The following LDLRAD4 variants were observed in gnomAD, a reference collection of about 807,000 sequenced individuals.
The protein encoded by LDLRAD4 is low-density lipoprotein receptor class A domain-containing protein 4.
Under a neutral mutation model 17.0 loss-of-function variants are expected in LDLRAD4, and 5 were observed. That is an observed-to-expected ratio of 0.29 (90% CI 0.15 to 0.62). LDLRAD4 has a LOEUF of 0.62. Among genes scored for constraint, LDLRAD4 ranks in the 20% least tolerant of loss-of-function variants. LDLRAD4 has a pLI of 0.84. For synonymous variants in LDLRAD4, 168 were observed against 171.8 expected (o/e 0.98, Z 0.17); for missense variants, 340 against 424.7 (o/e 0.80, Z 1.75).
chr18:13,531,141 T>A (rs1568304720), intron 3 of LDLRAD4, among the ~76,000 whole-genome samples: 1 of 152,126 alleles, frequency 6.6e-6, no homozygotes, highest in Non-Finnish European at 1.5e-5. Flanking sequence ...ACCAGCCCAG[T>A]CCTGGAGGCA....
chr18:13,450,893 C>A (rs1418334115), intron 3 of LDLRAD4, among the ~76,000 whole-genome samples: 1 of 152,056 alleles, frequency 6.6e-6, no homozygotes, highest in Non-Finnish European at 1.5e-5. Flanking sequence ...GAGGGGAGGG[C>A]TGACTTTGAG....
chr18:13,270,644 C>T (rs1200593414), intron 1 of LDLRAD4, among the ~76,000 whole-genome samples: 4 of 152,122 alleles, frequency 2.6e-5, no homozygotes, highest in Non-Finnish European at 5.9e-5. Flanking sequence ...TTGGCTAGAG[C>T]GGAATGCAGT....
intron 2 of LDLRAD4, among the ~76,000 whole-genome samples, chr18:13,404,533 C>G (rs761823400): frequency 1.3e-5 from 2 of 152,138 alleles, no homozygotes; most frequent in African/African-American, 4.8e-5. Context: ...CATGGTGGCT[C>G]ATGCTTGTAA....
At chr18:13,359,685 TAGG>T (rs753207246) in intron 1 of LDLRAD4, among the ~76,000 whole-genome samples, 54 of 152,328 alleles carry the variant, frequency 3.5e-4, no homozygotes, top group Non-Finnish European at 6.9e-4. Flanking sequence ...GATGCCTAAT[TAGG>T]AGGCACTGCC....
chr18:13,568,921 C>G (rs965378944), intron 3 of LDLRAD4, among the ~76,000 whole-genome samples: 1 of 152,124 alleles, frequency 6.6e-6, no homozygotes, highest in Non-Finnish European at 1.5e-5. Flanking sequence ...ACCCTCATAC[C>G]CCACCTTCAC....
chr18:13,244,192 C>T (rs1408371609), intron 1 of LDLRAD4, among the ~76,000 whole-genome samples: 7 of 139,190 alleles, frequency 5.0e-5, no homozygotes, highest in Non-Finnish European at 9.3e-5. Flanking sequence ...ATCCACCATC[C>T]ATTCATCCAT....
At chr18:13,483,272 G>A (rs771855137) in intron 3 of LDLRAD4, among the ~76,000 whole-genome samples, 1 of 152,182 alleles carries the variant, frequency 6.6e-6, no homozygotes, top group Non-Finnish European at 1.5e-5. Flanking sequence ...ACACGGCTCT[G>A]TAGTTACTGA....
At chr18:13,325,237 G>A (rs2081455650) in intron 1 of LDLRAD4, among the ~76,000 whole-genome samples, 1 of 152,128 alleles carries the variant, frequency 6.6e-6, no homozygotes, top group African/African-American at 2.4e-5. Flanking sequence ...TAGTGAGTTC[G>A]GGGTCCCAGG....
intron 1 of LDLRAD4, among the ~76,000 whole-genome samples, chr18:13,331,048 G>C (rs534405118): frequency 6.6e-6 from 1 of 152,162 alleles, no homozygotes; most frequent in South Asian, 2.1e-4. Flanking sequence ...CCTAATAAAT[G>C]CTGTATAATA....
chr18:13,510,919 C>T (rs898857056), intron 3 of LDLRAD4, among the ~76,000 whole-genome samples: 10 of 152,186 alleles, frequency 6.6e-5, no homozygotes, highest in Admixed American at 5.2e-4. Flanking sequence ...CAAAACAAAA[C>T]AGGAAGATAG....
chr18:13,473,463 A>T (rs2092832345), intron 3 of LDLRAD4, among the ~76,000 whole-genome samples: 1 of 151,698 alleles, frequency 6.6e-6, no homozygotes, highest in African/African-American at 2.4e-5. Context: ...TAAGGCCAGG[A>T]GTTTGAGTCT....
chr18:13,637,077 C>T (rs1448361303), intron 4 of LDLRAD4, among the ~76,000 whole-genome samples: 1 of 152,202 alleles, frequency 6.6e-6, no homozygotes, highest in Non-Finnish European at 1.5e-5. Flanking sequence ...GGATTACAGG[C>T]ATGAGCCACC....
chr18:13,272,257 C>A (rs1458790661), intron 1 of LDLRAD4, among the ~76,000 whole-genome samples: 1 of 152,116 alleles, frequency 6.6e-6, no homozygotes, highest in East Asian at 1.9e-4. Flanking sequence ...GTCTGGGTTG[C>A]CTTGGTCCAG....
intron 3 of LDLRAD4, among the ~76,000 whole-genome samples, chr18:13,511,167 C>T (rs1474687270): frequency 6.6e-6 from 1 of 152,128 alleles, no homozygotes; most frequent in East Asian, 1.9e-4. Context: ...GAAAACTGGA[C>T]CTGCTCAGAA....
At chr18:13,565,840 A>T (rs906975425) in intron 3 of LDLRAD4, among the ~76,000 whole-genome samples, 2 of 152,154 alleles carry the variant, frequency 1.3e-5, no homozygotes, top group African/African-American at 4.8e-5. Context: ...CACATTTTGG[A>T]CGGGGCCTTA....
chr18:13,286,592 C>T (rs192733577), intron 1 of LDLRAD4, among the ~76,000 whole-genome samples: 7 of 152,312 alleles, frequency 4.6e-5, no homozygotes, highest in African/African-American at 7.2e-5. Context: ...GGGCTGGCCT[C>T]GACCTCCTGG....
Position 13,300,428 on chromosome 18 carries a change from A to G in LDLRAD4, c.-383+22240A>G, listed in dbSNP as rs2046525969. On this transcript the variant is annotated intron_variant, in intron 1 of 5. Transcript: ENST00000359446. The surrounding 1 kb of genome is among the most constrained non-coding windows in gnomAD (Gnocchi z 4.2). ...TCTGATGGCCTTTTTTCCCAAGGAC[A>G]TGACATTCGCGGGGTCAGCCATGAC... is the stretch of plus-strand genomic sequence containing the variant. Among the ~76,000 whole-genome samples the G allele has an allele frequency of 1.3e-5, 2 of 152,324 alleles. No homozygotes were observed. The highest frequency in any genetic ancestry group is 4.8e-5 in the African/African-American group (2 of 41,584).
At chr18:13,591,939 A>T (rs780640666) in intron 3 of LDLRAD4, among the ~76,000 whole-genome samples, 18 of 152,250 alleles carry the variant, frequency 1.2e-4, no homozygotes. Context: ...AAGGAAGATT[A>T]TGTGACATTC....
chr18:13,368,690 GTTGT>G (rs2084248153), intron 1 of LDLRAD4, among the ~76,000 whole-genome samples: 1 of 152,176 alleles, frequency 6.6e-6, no homozygotes, highest in Non-Finnish European at 1.5e-5. Context: ...GGGGGACCAG[GTTGT>G]TTGGGAGCAT....
Sources: gnomAD v4.1 joint callset for allele counts (sites outside exome capture counted in the v4.1 genomes callset) on GRCh38, gnomAD v4.1.1 for gene constraint, Gnocchi (gnomAD v3.1) non-coding constraint, MANE v1.5 for transcripts, NCBI Gene and HGNC (gene_info 2026-07-23, HGNC 2026-07-21) for gene names.